TMEM232: variants seen among roughly 807,000 people sequenced by gnomAD.
TMEM232 encodes the protein transmembrane protein 232.
A neutral mutation model predicts 78.8 loss-of-function variants in TMEM232; 80 were observed. The ratio of observed to expected loss-of-function variants is 1.01; its 90% CI spans 0.85 to 1.22. The LOEUF (loss-of-function observed/expected upper bound fraction) is 1.22, where lower values mean the gene tolerates loss of function less well. Among genes scored for constraint, TMEM232 ranks in the 50% most tolerant of loss-of-function variants. The pLI is 0.00. For synonymous variants in TMEM232, 297 were observed against 254.3 expected (o/e 1.17, Z -1.60); for missense variants, 881 against 742.2 (o/e 1.19, Z -2.17).
chr5:110,617,285 C>T (rs1028944083), intron 8 of TMEM232, among the ~76,000 whole-genome samples: 2 of 151,978 alleles, frequency 1.3e-5, no homozygotes, highest in African/African-American at 2.4e-5. Flanking sequence ...GGAAGATGGG[C>T]AAAAGAGGAG....
chr5:110,611,381 G>A (rs558880574), intron 8 of TMEM232, among the ~76,000 whole-genome samples: 124 of 152,180 alleles, frequency 8.1e-4, no homozygotes, highest in Non-Finnish European at 1.5e-3. Context: ...CTGTTAAAAG[G>A]CTTTTTCTCC....
chr5:110,572,002 A>T (rs1777003074), intron 10 of TMEM232, among the ~76,000 whole-genome samples: 1 of 152,006 alleles, frequency 6.6e-6, no homozygotes, highest in African/African-American at 2.4e-5. Context: ...GGGCAGCAGG[A>T]GATTGGCAAG....
intron 10 of TMEM232, among the ~76,000 whole-genome samples, chr5:110,598,809 A>G (rs917063374): frequency 6.9e-6 from 1 of 144,334 alleles, no homozygotes. Flanking sequence ...GGAATTGAAC[A>G]ATAAGAACAC....
chr5:110,490,437 G>A lies in TMEM232; in HGVS notation c.1703+38151C>T, dbSNP rs548295117. On this transcript the variant is annotated intron_variant, in intron 12 of 13. Coordinates refer to ENST00000455884, the MANE Select transcript of TMEM232 (RefSeq NM_001039763.4). ...CTTGATGTTAAGATAATAATACTCT[G>A]TGAATTAATCAACCTATTCCACACA... Among the ~76,000 whole-genome samples the A allele has an allele frequency of 2.6e-5, 4 of 152,232 alleles. No homozygotes were observed. In the South Asian group the frequency reaches 8.3e-4, roughly 31 times the overall value.
At chr5:110,606,506 G>A (rs1343189507) in intron 8 of TMEM232, among the ~76,000 whole-genome samples, 3 of 151,974 alleles carry the variant, frequency 2.0e-5, no homozygotes, top group Non-Finnish European at 4.4e-5. Flanking sequence ...GTAGTGCTCT[G>A]ACGAATCTGA....
chr5:110,506,410 A>G (rs996173232), intron 12 of TMEM232, among the ~76,000 whole-genome samples: 5 of 152,288 alleles, frequency 3.3e-5, no homozygotes, highest in Admixed American at 2.0e-4. Flanking sequence ...TTACTCCCCA[A>G]TAGAATCTAA....
chr5:110,622,089 T>C (rs1783825439), intron 7 of TMEM232, among the ~76,000 whole-genome samples: 1 of 152,104 alleles, frequency 6.6e-6, no homozygotes, highest in South Asian at 2.1e-4. Flanking sequence ...CATGAAAGGA[T>C]CTCCCAATAC....
rs543601859 is a variant in TMEM232, at chr5:110,699,077, AAAAC to A, written c.-13+27546_-13+27549del. On this transcript the variant is annotated intron_variant, in intron 1 of 13. Coordinates refer to ENST00000455884, the MANE Select transcript of TMEM232 (RefSeq NM_001039763.4). ...AAACAAAACAAAACAAAACAAAACAAAAACAAACAAACAAACAAAAAAAGCAGGT... is the reference window on the plus strand; with the variant it reads ...AAACAAAACAAAACAAAACAAAACAAAAACAAACAAACAAAAAAAGCAGGT... Among the ~76,000 whole-genome samples, 317 of 151,870 alleles carry A rather than the reference AAAAC, an allele frequency of 2.1e-3. 2 individuals are homozygous for A. Among genetic ancestry groups the A allele is most frequent in the African/African-American group, 6.7e-3 (279 of 41,388 alleles).
rs1333860955 is a variant in TMEM232, at chr5:110,452,005, C to A, written c.1704-27089G>T. ...TTTGTTGACTAGCTAAATAGCTCAA[C>A]ATATTCTAGCAAAGAAAACCACCAT... On this transcript the variant is annotated intron_variant, in intron 12 of 13. Coordinates refer to ENST00000455884, the MANE Select transcript of TMEM232 (RefSeq NM_001039763.4). Among the ~76,000 whole-genome samples, 3 of 152,068 alleles carry A rather than the reference C, an allele frequency of 2.0e-5. No individual in the cohort carries two copies. In the East Asian group the frequency reaches 5.8e-4, roughly 29 times the overall value.
chr5:110,499,261 A>T (rs902713785), intron 12 of TMEM232, among the ~76,000 whole-genome samples: 4 of 152,146 alleles, frequency 2.6e-5, no homozygotes, highest in African/African-American at 4.8e-5. Context: ...ATGCCAAACT[A>T]GACTTTTAAT....
chr5:110,679,347 T>C (rs936397785), intron 1 of TMEM232, among the ~76,000 whole-genome samples: 1 of 152,212 alleles, frequency 6.6e-6, no homozygotes, highest in Non-Finnish European at 1.5e-5. Context: ...GCTGTTAAGG[T>C]TTTTGGTCCA....
chr5:110,501,581 G>C (rs1005217672), intron 12 of TMEM232, among the ~76,000 whole-genome samples: 1 of 152,034 alleles, frequency 6.6e-6, no homozygotes, highest in Non-Finnish European at 1.5e-5. Context: ...CATTTTAAAG[G>C]TTCTCATAGG....
chr5:110,511,483 T>C (rs1481503332), intron 12 of TMEM232, among the ~76,000 whole-genome samples: 1 of 151,882 alleles, frequency 6.6e-6, no homozygotes, highest in Non-Finnish European at 1.5e-5. Flanking sequence ...TAAGTAATAA[T>C]TATTATACCA....
intron 12 of TMEM232, among the ~76,000 whole-genome samples, chr5:110,495,271 A>G (rs865927714): frequency 1.4e-4 from 22 of 151,886 alleles, no homozygotes; most frequent in African/African-American, 4.8e-4. Context: ...AGTGGTTCTC[A>G]ATCTTGGCTG....
At chr5:110,664,454 T>G (rs1402477110) in intron 2 of TMEM232, among the ~76,000 whole-genome samples, 1 of 152,194 alleles carries the variant, frequency 6.6e-6, no homozygotes, top group Non-Finnish European at 1.5e-5. Context: ...TGAACTGGAA[T>G]GATATCTGCC....
At chr5:110,592,372 A>AT (rs1255203459) in intron 10 of TMEM232, among the ~76,000 whole-genome samples, 1 of 152,148 alleles carries the variant, frequency 6.6e-6, no homozygotes, top group Non-Finnish European at 1.5e-5. Flanking sequence ...TTTGGTAAGA[A>AT]TTGAGCATTT....
intron 1 of TMEM232, among the ~76,000 whole-genome samples, chr5:110,701,362 G>A (rs1009121424): frequency 6.6e-6 from 1 of 151,896 alleles, no homozygotes; most frequent in Non-Finnish European, 1.5e-5. Context: ...ATCAAAACAG[G>A]AAGCTGTAAT....
intron 12 of TMEM232, among the ~76,000 whole-genome samples, chr5:110,517,825 T>A (rs1248212298): frequency 6.6e-6 from 1 of 152,224 alleles, no homozygotes; most frequent in African/African-American, 2.4e-5. Flanking sequence ...TGATTGCCAT[T>A]TATTTAATGA....
chr5:110,658,876 C>A (rs1335331522), intron 2 of TMEM232, among the ~76,000 whole-genome samples: 1 of 152,154 alleles, frequency 6.6e-6, no homozygotes, highest in African/African-American at 2.4e-5. Context: ...GTAAATTAGT[C>A]TGACAGATTC....
Sources: allele counts gnomAD v4.1 joint callset (sites outside exome capture counted in the v4.1 genomes callset), GRCh38; gene constraint gnomAD v4.1.1; transcripts MANE v1.5; gene names NCBI Gene and HGNC (gene_info 2026-07-23, HGNC 2026-07-21).